EXPH5: variants seen among roughly 807,000 people sequenced by gnomAD.
EXPH5 encodes the protein exophilin-5.
Under a neutral mutation model 41.1 loss-of-function variants are expected in EXPH5, and 42 were observed. That is an observed-to-expected ratio of 1.02 (90% CI 0.80 to 1.32). EXPH5 has a LOEUF of 1.32. Ranked by LOEUF, EXPH5 falls within the 40% of genes most tolerant of loss-of-function variation. The pLI, the probability that EXPH5 is intolerant of heterozygous loss-of-function variation, is 0.00. For missense variants in EXPH5, 2,298 were observed against 2,314.5 expected (o/e 0.99, Z 0.15); for synonymous variants, 798 against 833.5 (o/e 0.96, Z 0.73).
intron 3 of EXPH5, among the ~76,000 whole-genome samples, chr11:108,534,852 G>A (rs1225627348): frequency 6.6e-6 from 1 of 152,188 alleles, no homozygotes; most frequent in African/African-American, 2.4e-5. Context: ...CATAAGATGT[G>A]TACAAATCCA....
intron 3 of EXPH5, among the ~76,000 whole-genome samples, chr11:108,537,294 A>C (rs1211873212): frequency 1.3e-5 from 2 of 152,234 alleles, no homozygotes; most frequent in African/African-American, 4.8e-5. Flanking sequence ...ACCTCTTAGG[A>C]GCAAAACCCA....
intron 1 of EXPH5, among the ~76,000 whole-genome samples, chr11:108,553,489 A>G (rs2093977015): frequency 6.6e-6 from 1 of 152,156 alleles, no homozygotes; most frequent in South Asian, 2.1e-4. Flanking sequence ...CTGTTTTCCT[A>G]GGTTTACATG....
At chr11:108,545,595 G>T (rs4568972) in intron 1 of EXPH5, among the ~76,000 whole-genome samples, 2,940 of 152,072 alleles carry the variant, frequency 0.019, 85 homozygotes, top group South Asian at 0.066. Flanking sequence ...AGTGTGTGTG[G>T]GGGGGAAACA....
chr11:108,511,995 C>G lies in EXPH5; in HGVS notation c.3512G>C (p.Arg1171Thr). 3.1e-6 allele frequency: 5 copies of G among 1,594,250 alleles called. No individual in the cohort carries two copies. The highest frequency in any genetic ancestry group is 4.3e-6 in the Non-Finnish European group (5 of 1,173,746). The change falls in exon 6 of 6, where the codon AGA becomes ACA. Residue 1171 changes from arginine (R) to threonine (T), a missense_variant. Coordinates refer to ENST00000265843, the MANE Select transcript of EXPH5 (RefSeq NM_015065.3). ...TTGTCTTTTGGTTAAAGAACAATCTCTAACAGATGAGTCACTTTCCACAGG... is the reference window on the plus strand; with the variant it reads ...TTGTCTTTTGGTTAAAGAACAATCTGTAACAGATGAGTCACTTTCCACAGG... Reference protein sequence around the residue: ...ISPVESDSSVRDCSLTKRQHQ... With the variant: ...ISPVESDSSVTDCSLTKRQHQ...
chr11:108,543,922 A>G (rs1261784264), intron 1 of EXPH5, among the ~76,000 whole-genome samples: 2 of 152,272 alleles, frequency 1.3e-5, no homozygotes, highest in East Asian at 1.9e-4. Flanking sequence ...GATCCTAAGT[A>G]TCTGCTTCTA....
At chr11:108,559,791 G>T (rs1001999283) in intron 1 of EXPH5, among the ~76,000 whole-genome samples, 15 of 152,212 alleles carry the variant, frequency 9.9e-5, no homozygotes, top group African/African-American at 3.6e-4. Context: ...TTAAAGGAAA[G>T]TGATGCTCCT....
At chr11:108,601,192 T>G in the EXPH5 span, among the ~76,000 whole-genome samples, 5 of 152,200 alleles carry the variant, frequency 3.3e-5, no homozygotes, top group African/African-American at 1.2e-4. Context: ...CTAAAACCTA[T>G]TAAACTAATT....
Position 108,563,318 on chromosome 11 carries a change from G to C in EXPH5, c.120-21506C>G, listed in dbSNP as rs2094020747. ...GCTGTCAATCAGCCCTCATTTCCAG[G>C]GTTTCTCAAGCAACCACAGTATGAC... On this transcript the variant is annotated intron_variant, in intron 1 of 5. Transcript: ENST00000265843. 2.0e-5 allele frequency among the ~76,000 whole-genome samples: 3 copies of C among 152,164 alleles called. No individual in the cohort carries two copies. In the South Asian group the frequency reaches 6.2e-4, roughly 32 times the overall value.
chr11:108,556,966 C>T (rs2093992800), intron 1 of EXPH5, among the ~76,000 whole-genome samples: 2 of 152,230 alleles, frequency 1.3e-5, no homozygotes, highest in African/African-American at 4.8e-5. Flanking sequence ...CTCCACTCAG[C>T]ATTTGGCTTC....
the EXPH5 span, among the ~76,000 whole-genome samples, chr11:108,600,746 T>G: frequency 1.3e-5 from 2 of 152,240 alleles, no homozygotes; most frequent in African/African-American, 4.8e-5. Flanking sequence ...TGGGGCGCAC[T>G]TCAAATAATA....
At chr11:108,573,160 G>GAAAGAAAC (rs1565830568) in intron 1 of EXPH5, among the ~76,000 whole-genome samples, 1 of 137,076 alleles carries the variant, frequency 7.3e-6, no homozygotes, top group African/African-American at 2.9e-5. Flanking sequence ...AAGAAAGAAA[G>GAAAGAAAC]AAAGAAAGAA....
intron 1 of EXPH5, among the ~76,000 whole-genome samples, chr11:108,585,328 C>T (rs1041874576): frequency 1.3e-5 from 2 of 152,150 alleles, no homozygotes; most frequent in Non-Finnish European, 2.9e-5. Context: ...TATGTTGAGC[C>T]CTACCCCTCA....
upstream of EXPH5, among the ~76,000 whole-genome samples, chr11:108,594,133 T>A (rs976601803): frequency 6.6e-6 from 1 of 152,188 alleles, no homozygotes; most frequent in African/African-American, 2.4e-5. Context: ...GCAAAAGGGT[T>A]ACTTATCTGA....
At chr11:108,567,281 G>T (rs1272882468) in intron 1 of EXPH5, among the ~76,000 whole-genome samples, 3 of 152,160 alleles carry the variant, frequency 2.0e-5, no homozygotes, top group Admixed American at 1.3e-4. Context: ...CTGAATTGAA[G>T]ATTTACGTAT....
At chr11:108,516,207 G>T (rs1235769115) in intron 5 of EXPH5, among the ~76,000 whole-genome samples, 1 of 151,934 alleles carries the variant, frequency 6.6e-6, no homozygotes, top group Non-Finnish European at 1.5e-5. Context: ...AAATAATGAT[G>T]ACTTTTCTCT....
intron 4 of EXPH5, among the ~76,000 whole-genome samples, chr11:108,525,384 G>C (rs1453334550): frequency 1.3e-5 from 2 of 152,150 alleles, no homozygotes; most frequent in Admixed American, 6.5e-5. Flanking sequence ...AGTTTGTTCA[G>C]AGATAAGGAG....
At position 108,513,882 on chromosome 11, in the gene EXPH5, G is replaced by A; in HGVS notation, c.1625C>T (p.Ser542Phe). 2 of 1,612,386 alleles carry A rather than the reference G, an allele frequency of 1.2e-6. No individual in the cohort carries two copies. Among genetic ancestry groups the A allele is most frequent in the Non-Finnish European group, 8.5e-7 (1 of 1,179,428 alleles). Residue 542 changes from serine to phenylalanine, a missense_variant, in exon 6 of 6, where the codon TCC becomes TTC. Coordinates refer to ENST00000265843, the MANE Select transcript of EXPH5 (RefSeq NM_015065.3). ...SFSSGYGTDV[S>F]RGQEEPHPWQ... ...AGGATGTGGCTCTTCTTGGCCTCTG[G>A]AAACATCTGTTCCATAACCAGAAGA...
At chr11:108,544,197 A>G (rs2093927183) in intron 1 of EXPH5, among the ~76,000 whole-genome samples, 1 of 151,958 alleles carries the variant, frequency 6.6e-6, no homozygotes, top group South Asian at 2.1e-4. Flanking sequence ...TTATTTCTGC[A>G]TTTATTTCTA....
At chr11:108,601,009 A>G in the EXPH5 span, among the ~76,000 whole-genome samples, 3 of 152,248 alleles carry the variant, frequency 2.0e-5, no homozygotes, top group Non-Finnish European at 4.4e-5. Context: ...AGCAGAGCCC[A>G]TGGATCGGCA....
Sources: gnomAD v4.1 joint callset for allele counts (sites outside exome capture counted in the v4.1 genomes callset) on GRCh38, gnomAD v4.1.1 for gene constraint, MANE v1.5 for transcripts, NCBI Gene and HGNC (gene_info 2026-07-23, HGNC 2026-07-21) for gene names.